AFAP1L2: variants seen among roughly 807,000 people sequenced by gnomAD.
AFAP1L2 encodes actin filament associated protein 1 like 2.
Under a neutral mutation model 99.3 loss-of-function variants are expected in AFAP1L2, and 46 were observed. The observed-to-expected ratio is 0.46, with a 90% CI of 0.37 to 0.59. The LOEUF is 0.59. AFAP1L2 is among the 20% of genes least tolerant of loss of function. The pLI is 0.00. For missense variants in AFAP1L2, 959 were observed against 1,034.9 expected (o/e 0.93, Z 1.01); for synonymous variants, 397 against 419.1 (o/e 0.95, Z 0.64).
chr10:114,379,334 T>A (rs2055281768), intron 1 of AFAP1L2, among the ~76,000 whole-genome samples: 1 of 151,768 alleles, frequency 6.6e-6, no homozygotes, highest in Non-Finnish European at 1.5e-5. Flanking sequence ...ATGCAGCAGA[T>A]AAAGAAGTGA....
intron 1 of AFAP1L2, among the ~76,000 whole-genome samples, chr10:114,381,801 A>G (rs922416949): frequency 5.3e-5 from 8 of 152,156 alleles, no homozygotes; most frequent in African/African-American, 1.9e-4. Context: ...ACACATAAAA[A>G]GCTCCTAAAA....
At chr10:114,287,495 A>G in the AFAP1L2 span, among the ~76,000 whole-genome samples, 1 of 152,090 alleles carries the variant, frequency 6.6e-6, no homozygotes, top group Non-Finnish European at 1.5e-5. Context: ...GGGCTCCTGG[A>G]GTTCTCCCCT....
chr10:114,359,221 G>A (rs181997897), intron 1 of AFAP1L2, among the ~76,000 whole-genome samples: 170 of 152,332 alleles, frequency 1.1e-3, no homozygotes, highest in African/African-American at 3.7e-3. Flanking sequence ...CCAGCATGGT[G>A]ATGATTTTGT....
At chr10:114,320,221 T>C (rs986455032) in intron 5 of AFAP1L2, among the ~76,000 whole-genome samples, 8 of 152,194 alleles carry the variant, frequency 5.3e-5, no homozygotes, top group Non-Finnish European at 1.0e-4. Flanking sequence ...CCGATATCCC[T>C]AGCACAGGCC....
intron 10 of AFAP1L2, chr10:114,305,280 T>TGCAGGAGGGGATGCGGAC (rs1378420372): frequency 3.3e-6 from 1 of 305,056 alleles, no homozygotes; most frequent in African/African-American, 2.6e-5. Context: ...GGCACGCGGA[T>TGCAGGAGGGGATGCGGAC]GCAGGAGGGG....
intron 4 of AFAP1L2, among the ~76,000 whole-genome samples, chr10:114,331,224 G>T (rs1282703264): frequency 6.6e-6 from 1 of 152,100 alleles, no homozygotes; most frequent in Admixed American, 6.6e-5. Flanking sequence ...TATGTTTTAT[G>T]AATTTTTACT....
intron 1 of AFAP1L2, among the ~76,000 whole-genome samples, chr10:114,376,532 C>G (rs1341004833): frequency 6.6e-6 from 1 of 152,216 alleles, no homozygotes; most frequent in Non-Finnish European, 1.5e-5. Flanking sequence ...GCTTCTCTTA[C>G]TCAGAAGAAT....
the AFAP1L2 span, chr10:114,288,821 C>A: frequency 1.0e-6 from 1 of 995,462 alleles, no homozygotes; most frequent in Non-Finnish European, 1.5e-6. Flanking sequence ...GTGTATTCTG[C>A]AGTGAACAGA....
intron 1 of AFAP1L2, among the ~76,000 whole-genome samples, chr10:114,386,123 T>C (rs992775400): frequency 1.3e-5 from 2 of 152,174 alleles, no homozygotes; most frequent in Non-Finnish European, 2.9e-5. Context: ...GACAGGTAAG[T>C]TAAGGTCCCA....
chr10:114,360,485 C>CTAGA (rs367617609), intron 1 of AFAP1L2, among the ~76,000 whole-genome samples: 30,864 of 124,082 alleles, frequency 0.25, 4,930 homozygotes, highest in South Asian at 0.31. Flanking sequence ...ATCTCAATAT[C>CTAGA]TAGATAGATA....
chr10:114,307,890 A>G lies in AFAP1L2; in HGVS notation c.987T>C (p.Ala329=). 6.2e-7 allele frequency: 1 copy of G among 1,614,162 alleles called. No individual in the cohort carries two copies. The highest frequency in any genetic ancestry group is 1.1e-5 in the South Asian group (1 of 91,084). The change falls in exon 10 of 19, where the codon GCT becomes GCC. Residue 329 remains alanine (A), a synonymous_variant. Coordinates refer to ENST00000304129, the MANE Select transcript of AFAP1L2 (RefSeq NM_001001936.3). The part of the protein sequence containing the change: ...ETKDVKKKCS[A]GLKLSNLMNL... ...TCATTAGGTTGCTCAGTTTGAGGCC[A>G]GCAGAACATTTCTTCTTGACTGTCA...
intron 4 of AFAP1L2, among the ~76,000 whole-genome samples, chr10:114,327,147 T>TTATTTTTATATATATATATA (rs1554902752): frequency 3.7e-5 from 2 of 54,570 alleles, no homozygotes; most frequent in Non-Finnish European, 9.7e-5. Flanking sequence ...TTATATATAT[T>TTATTTTTATATATATATATA]TATATATATA....
the AFAP1L2 span, chr10:114,281,915 G>T: frequency 5.3e-6 from 1 of 187,366 alleles, no homozygotes; most frequent in Non-Finnish European, 1.0e-5. Flanking sequence ...CTACTGCATC[G>T]TAAGCCTCAG....
chr10:114,300,578 C>A lies in AFAP1L2; in HGVS notation c.1655G>T (p.Ser552Ile), dbSNP rs150906523. 1 of 1,614,188 alleles carries A rather than the reference C, an allele frequency of 6.2e-7. No individual in the cohort carries two copies. Among genetic ancestry groups the A allele is most frequent in the Admixed American group, 1.7e-5 (1 of 60,020 alleles). The change falls in exon 14 of 19, where the codon AGT becomes ATT. Residue 552 changes from serine to isoleucine, a missense_variant. By Grantham distance (142) the Ser-to-Ile change is moderately radical. This residue lies in a region of AFAP1L2 where 576 missense variants were observed against 562.1 expected (regional missense o/e 1.02). Coordinates refer to ENST00000304129, the MANE Select transcript of AFAP1L2 (RefSeq NM_001001936.3). ...PVKSFLHGPS[S>I]AQAQASSPTL... ...CGGGGAGGAGGCCTGGGCCTGTGCACTGCTGGGGCCATGCAGAAAGGACTT... is the reference window on the plus strand; with the variant it reads ...CGGGGAGGAGGCCTGGGCCTGTGCAATGCTGGGGCCATGCAGAAAGGACTT...
At chr10:114,340,010 C>CAAAAAA (rs3061677) in intron 2 of AFAP1L2, among the ~76,000 whole-genome samples, 1 of 117,808 alleles carries the variant, frequency 8.5e-6, no homozygotes, top group African/African-American at 3.4e-5. Flanking sequence ...GACCCCGTCT[C>CAAAAAA]AAAAAAAAAA....
intron 5 of AFAP1L2, among the ~76,000 whole-genome samples, chr10:114,316,738 G>A (rs2044207354): frequency 6.6e-6 from 1 of 152,136 alleles, no homozygotes; most frequent in African/African-American, 2.4e-5. Context: ...TCTGTCCATC[G>A]ATTGATTGAT....
chr10:114,371,511 T>C (rs1265082427), intron 1 of AFAP1L2, among the ~76,000 whole-genome samples: 5 of 152,138 alleles, frequency 3.3e-5, no homozygotes, highest in East Asian at 1.9e-4. Flanking sequence ...AAAACTCCTA[T>C]GTTTACTTTT....
At chr10:114,322,786 C>T (rs1275983198) in intron 5 of AFAP1L2, among the ~76,000 whole-genome samples, 3 of 152,334 alleles carry the variant, frequency 2.0e-5, no homozygotes, top group African/African-American at 4.8e-5. Context: ...TCAGCCTGAC[C>T]GCCACTTCCA....
chr10:114,280,893 C>T, the AFAP1L2 span: 902 of 152,154 alleles, frequency 5.9e-3, 5 homozygotes, highest in African/African-American at 0.02. Flanking sequence ...CACGCACCAC[C>T]GTGGCCGGCT....
Sources: allele counts gnomAD v4.1 joint callset (sites outside exome capture counted in the v4.1 genomes callset), GRCh38; gene constraint gnomAD v4.1.1; regional missense constraint gnomAD v4.1.1; transcripts MANE v1.5; gene names NCBI Gene and HGNC (gene_info 2026-07-23, HGNC 2026-07-21).